Variants in LRRC4C observed in about 807,000 individuals in gnomAD.
The protein encoded by LRRC4C is leucine-rich repeat-containing protein 4C.
In LRRC4C, 5 loss-of-function variants were observed where a neutral mutation model predicts 33.6. The ratio of observed to expected loss-of-function variants is 0.15; its 90% confidence interval spans 0.08 to 0.31. LRRC4C has a LOEUF of 0.31. LRRC4C is among the 10% of genes least tolerant of loss of function. The pLI is 1.00. For missense variants in LRRC4C, 560 were observed against 796.7 expected (o/e 0.70, Z 3.58); for synonymous variants, 329 against 302.0 (o/e 1.09, Z -0.93).
At chr11:40,239,810 A>G (rs1865810827) in intron 5 of LRRC4C, among the ~76,000 whole-genome samples, 1 of 152,232 alleles carries the variant, frequency 6.6e-6, no homozygotes, top group Non-Finnish European at 1.5e-5. Flanking sequence ...GGTGTTAGCC[A>G]GGCTGGATGA....
intron 1 of LRRC4C, among the ~76,000 whole-genome samples, chr11:40,986,358 G>T (rs1455389961): frequency 6.6e-6 from 1 of 152,136 alleles, no homozygotes; most frequent in East Asian, 1.9e-4. Context: ...AACACTTTTG[G>T]AGGCCAAGGC....
intron 2 of LRRC4C, among the ~76,000 whole-genome samples, chr11:40,761,495 C>T (rs1038327194): frequency 2.0e-5 from 3 of 151,890 alleles, no homozygotes; most frequent in Non-Finnish European, 4.4e-5. Flanking sequence ...AGCTGGGTGT[C>T]GAAATGAATG....
intron 3 of LRRC4C, among the ~76,000 whole-genome samples, chr11:40,385,891 T>A (rs12223026): frequency 2.9e-5 from 4 of 138,886 alleles, no homozygotes; most frequent in African/African-American, 8.4e-5. Context: ...AATAAATAAA[T>A]AAAATAAAAT....
At chr11:40,983,621 C>T (rs1304695117) in intron 1 of LRRC4C, among the ~76,000 whole-genome samples, 1 of 151,940 alleles carries the variant, frequency 6.6e-6, no homozygotes, top group Non-Finnish European at 1.5e-5. Flanking sequence ...TAATATCCAG[C>T]ATCTATAAGG....
At chr11:41,086,307 T>C (rs915119827) in intron 1 of LRRC4C, among the ~76,000 whole-genome samples, 1 of 152,184 alleles carries the variant, frequency 6.6e-6, no homozygotes, top group Admixed American at 6.6e-5. Context: ...AATCATTGTG[T>C]TCATTACCAT....
chr11:40,539,467 T>C (rs1441546721), intron 3 of LRRC4C, among the ~76,000 whole-genome samples: 1 of 152,160 alleles, frequency 6.6e-6, no homozygotes, highest in Non-Finnish European at 1.5e-5. Flanking sequence ...AATAAATGTT[T>C]GTTAAATAAG....
chr11:41,174,924 G>A (rs908153613), intron 1 of LRRC4C, among the ~76,000 whole-genome samples: 3 of 151,680 alleles, frequency 2.0e-5, no homozygotes, highest in Admixed American at 6.6e-5. Flanking sequence ...ATATCCTGCC[G>A]ATTTCATGCC....
chr11:41,272,543 A>G (rs761193931), intron 1 of LRRC4C, among the ~76,000 whole-genome samples: 2 of 152,162 alleles, frequency 1.3e-5, no homozygotes, highest in South Asian at 2.1e-4. Context: ...AAGTATTTCA[A>G]TTACAATATA....
intron 1 of LRRC4C, among the ~76,000 whole-genome samples, chr11:41,353,686 C>A (rs376409689): frequency 1.3e-5 from 2 of 152,138 alleles, no homozygotes; most frequent in African/African-American, 2.4e-5. Context: ...ATCAAGTAGG[C>A]TTTATTCCTG....
chr11:40,590,164 G>A (rs1958971546), intron 3 of LRRC4C, among the ~76,000 whole-genome samples: 2 of 151,874 alleles, frequency 1.3e-5, no homozygotes, highest in South Asian at 4.2e-4. Context: ...TTTCTTGGAG[G>A]CTTTGCTTGT....
intron 1 of LRRC4C, among the ~76,000 whole-genome samples, chr11:41,121,103 C>G (rs1422505701): frequency 6.6e-6 from 1 of 152,130 alleles, no homozygotes; most frequent in East Asian, 1.9e-4. Context: ...AATAAACTAA[C>G]CTAAAAGTGC....
intron 4 of LRRC4C, among the ~76,000 whole-genome samples, chr11:40,319,298 C>T (rs1343035038): frequency 6.6e-6 from 1 of 152,126 alleles, no homozygotes; most frequent in South Asian, 2.1e-4. Flanking sequence ...TTACAGTGGG[C>T]TACTTGAAGG....
At chr11:40,878,584 T>G (rs1955025011) in intron 2 of LRRC4C, among the ~76,000 whole-genome samples, 5 of 152,130 alleles carry the variant, frequency 3.3e-5, no homozygotes, top group Non-Finnish European at 7.4e-5. Context: ...ATGTGAGCAA[T>G]GGGGAGTGGC....
At position 41,010,810 on chromosome 11, in the gene LRRC4C, A is replaced by T. The variant is rs190182069; in HGVS notation, c.-495-77087T>A. 3.7e-3 allele frequency among the ~76,000 whole-genome samples: 561 copies of T among 151,798 alleles called. 3 individuals are homozygous for T. Among genetic ancestry groups the T allele is most frequent in the Middle Eastern group, 0.014 (4 of 292 alleles). Reference sequence around the variant, plus strand: ...CTATGTCTGTGGCTGCTACCTGTGCAGGAATCCAGTGAACATATTGCAAAT... The same window carrying T: ...CTATGTCTGTGGCTGCTACCTGTGCTGGAATCCAGTGAACATATTGCAAAT... On this transcript the variant is annotated intron_variant, in intron 1 of 6. Transcript: ENST00000528697.
chr11:40,161,746 G>T (rs1859175853), intron 5 of LRRC4C, among the ~76,000 whole-genome samples: 1 of 152,070 alleles, frequency 6.6e-6, no homozygotes, highest in Admixed American at 6.6e-5. Flanking sequence ...AACAGAGCGA[G>T]ACTCCTTCTC....
intron 1 of LRRC4C, among the ~76,000 whole-genome samples, chr11:41,169,807 C>T (rs904075013): frequency 6.6e-6 from 1 of 152,158 alleles, no homozygotes; most frequent in Admixed American, 6.6e-5. Context: ...TGCATACTTT[C>T]AATTCCCCCT....
At chr11:40,462,858 T>C (rs895911173) in intron 3 of LRRC4C, among the ~76,000 whole-genome samples, 1 of 152,030 alleles carries the variant, frequency 6.6e-6, no homozygotes, top group Non-Finnish European at 1.5e-5. Context: ...TTAGGTTTTA[T>C]CCTAAAGAAC....
rs1355061845 is a variant in LRRC4C, at chr11:40,782,246, T to C, written c.-406-133968A>G. 2.0e-5 allele frequency among the ~76,000 whole-genome samples: 3 copies of C among 152,158 alleles called. No homozygotes were observed. In the East Asian group the frequency reaches 5.8e-4, roughly 29 times the overall value. On this transcript the variant is annotated intron_variant, in intron 2 of 6. Transcript: ENST00000528697. ...CTTTTACTATGTCATAGTAACATTT[T>C]TTTGGTTCCTGTCTTAAGACAGAAT... is the stretch of plus-strand genomic sequence containing the variant.
intron 1 of LRRC4C, among the ~76,000 whole-genome samples, chr11:41,390,439 C>T (rs986202090): frequency 1.3e-5 from 2 of 151,834 alleles, no homozygotes; most frequent in Admixed American, 1.3e-4. Context: ...CTAGTACCCA[C>T]CTGCCTGTCA....
Sources: allele counts gnomAD v4.1 joint callset (sites outside exome capture counted in the v4.1 genomes callset), GRCh38; gene constraint gnomAD v4.1.1; transcripts MANE v1.5; gene names NCBI Gene and HGNC (gene_info 2026-07-23, HGNC 2026-07-21).